The following LINGO2 variants were observed in gnomAD, a reference collection of about 807,000 sequenced individuals.
The protein encoded by LINGO2 is leucine-rich repeat and immunoglobulin-like domain-containing nogo receptor-interacting protein 2.
In LINGO2, 14 loss-of-function variants were observed where a neutral mutation model predicts 30.6. The observed-to-expected ratio is 0.46, with a 90% CI of 0.30 to 0.72. The LOEUF (loss-of-function observed/expected upper bound fraction) is 0.72. Ranked by LOEUF, LINGO2 falls within the 30% of genes least tolerant of loss-of-function variation. The pLI is 0.07. For synonymous variants in LINGO2, 317 were observed against 288.5 expected (o/e 1.10, Z -1.00); for missense variants, 729 against 751.7 (o/e 0.97, Z 0.35).
chr9:28,653,604 T>C (rs1828205439), intron 1 of LINGO2, among the ~76,000 whole-genome samples: 1 of 152,138 alleles, frequency 6.6e-6, no homozygotes, highest in African/African-American at 2.4e-5. Flanking sequence ...TATGGCTTTA[T>C]TGTTAGAAAG....
At chr9:28,410,917 G>A (rs1822735481) in intron 2 of LINGO2, among the ~76,000 whole-genome samples, 1 of 151,714 alleles carries the variant, frequency 6.6e-6, no homozygotes, top group African/African-American at 2.4e-5. Flanking sequence ...GTTAGTTGAT[G>A]AAAAAAAAGG....
chr9:29,172,595 T>A, the LINGO2 span, among the ~76,000 whole-genome samples: 1 of 151,864 alleles, frequency 6.6e-6, no homozygotes, highest in Non-Finnish European at 1.5e-5. Flanking sequence ...AATTGAACAA[T>A]AATATAACAA....
At chr9:29,029,863 G>GTTT in the LINGO2 span, among the ~76,000 whole-genome samples, 6,559 of 148,536 alleles carry the variant, frequency 0.044, 476 homozygotes, top group African/African-American at 0.15. Flanking sequence ...GAAGCTTTCA[G>GTTT]TTTTTTTTTT....
intron 4 of LINGO2, among the ~76,000 whole-genome samples, chr9:28,233,061 T>TATATATATATAA (rs60875467): frequency 0.027 from 3,247 of 118,652 alleles, 173 homozygotes; most frequent in African/African-American, 0.078. Context: ...TATATATATA[T>TATATATATATAA]TAGATATATA....
At chr9:28,885,138 G>A in the LINGO2 span, among the ~76,000 whole-genome samples, 123,069 of 144,528 alleles carry the variant, frequency 0.85, 52,586 homozygotes, top group Non-Finnish European at 0.89. Flanking sequence ...GAGCACTCCC[G>A]GGCACTCAAA....
intron 4 of LINGO2, among the ~76,000 whole-genome samples, chr9:28,234,711 G>A (rs1358282888): frequency 1.3e-5 from 2 of 152,114 alleles, no homozygotes; most frequent in Non-Finnish European, 2.9e-5. Context: ...GTTTACCAGG[G>A]CCTCTTGTGC....
At chr9:28,724,829 C>T in the LINGO2 span, among the ~76,000 whole-genome samples, 14 of 151,972 alleles carry the variant, frequency 9.2e-5, no homozygotes, top group Non-Finnish European at 1.6e-4. Flanking sequence ...AGAAATATAA[C>T]CTTTGAAGAG....
chr9:29,048,541 G>A, the LINGO2 span, among the ~76,000 whole-genome samples: 1 of 151,976 alleles, frequency 6.6e-6, no homozygotes, highest in Non-Finnish European at 1.5e-5. Context: ...GAACAAAACT[G>A]GAGGAATCAT....
chr9:29,010,647 A>T, the LINGO2 span, among the ~76,000 whole-genome samples: 1 of 152,184 alleles, frequency 6.6e-6, no homozygotes, highest in African/African-American at 2.4e-5. Flanking sequence ...CAATTTGCGT[A>T]CTTATTTTAG....
At chr9:28,725,795 A>C in the LINGO2 span, among the ~76,000 whole-genome samples, 1 of 142,544 alleles carries the variant, frequency 7.0e-6, no homozygotes, top group Non-Finnish European at 1.5e-5. Context: ...GAAACTTAAA[A>C]ATTAACATTG....
chr9:29,136,937 ATATAGT>A, the LINGO2 span, among the ~76,000 whole-genome samples: 293 of 152,290 alleles, frequency 1.9e-3, 1 homozygote, highest in African/African-American at 6.7e-3. Flanking sequence ...TAAATGAATG[ATATAGT>A]TATATACAGA....
chr9:28,621,760 AT>A (rs1040209749), intron 1 of LINGO2, among the ~76,000 whole-genome samples: 1 of 151,988 alleles, frequency 6.6e-6, no homozygotes, highest in African/African-American at 2.4e-5. Context: ...AGTAACAGGA[AT>A]TTTTTTGTTT....
chr9:28,126,807 C>G (rs778183099), intron 4 of LINGO2, among the ~76,000 whole-genome samples: 2 of 152,308 alleles, frequency 1.3e-5, no homozygotes, highest in Middle Eastern at 3.4e-3. Context: ...TGGTTAATAG[C>G]TCTTCAACTG....
chr9:28,470,631 G>A (rs1825481768), intron 2 of LINGO2, among the ~76,000 whole-genome samples: 1 of 152,026 alleles, frequency 6.6e-6, no homozygotes, highest in Non-Finnish European at 1.5e-5. Context: ...CACACGAATG[G>A]GGTATGCAAT....
the LINGO2 span, among the ~76,000 whole-genome samples, chr9:28,992,812 C>A: frequency 4.6e-5 from 7 of 152,032 alleles, no homozygotes; most frequent in African/African-American, 1.7e-4. Context: ...TTCTTTGAAA[C>A]CAACGAGAAC....
intron 4 of LINGO2, among the ~76,000 whole-genome samples, chr9:28,042,917 T>TA (rs1363321499): frequency 1.3e-5 from 2 of 152,222 alleles, no homozygotes; most frequent in African/African-American, 4.8e-5. Flanking sequence ...ATTTGCCAGA[T>TA]ACCTAGTTCA....
In LINGO2 at chr9:28,401,708, C is replaced by T. The variant is rs575495540; in HGVS notation, c.-278-28840G>A. Among the ~76,000 whole-genome samples, 12 of 152,240 alleles carry T rather than the reference C, an allele frequency of 7.9e-5. No individual in the cohort carries two copies. The East Asian group carries it at 2.3e-3, about 29-fold the overall frequency. On this transcript the variant is annotated intron_variant, in intron 2 of 5. Transcript: ENST00000379992. ...TGGTTCTAGGTCCTTGAGGAATTGCCATACTGTCTTCCACAATGGTTGAAC... is the reference window on the plus strand; with the variant it reads ...TGGTTCTAGGTCCTTGAGGAATTGCTATACTGTCTTCCACAATGGTTGAAC...
Position 28,036,247 on chromosome 9 carries a change from T to G in LINGO2, c.-86-23842A>C, listed in dbSNP as rs147010324. ...CAAACAGCCCATCATCATGTAGAAA[T>G]GTAGAAACATTGTGCTGTTCACAAT... On this transcript the variant is annotated intron_variant, in intron 4 of 5. Coordinates refer to ENST00000379992, the Ensembl canonical transcript of LINGO2. Among the ~76,000 whole-genome samples the G allele has an allele frequency of 5.3e-4, 80 of 152,320 alleles. 1 individual carries two copies. The Middle Eastern group carries it at 0.01, about 19-fold the overall frequency.
the LINGO2 span, among the ~76,000 whole-genome samples, chr9:28,811,584 T>G: frequency 4.6e-5 from 7 of 152,186 alleles, no homozygotes; most frequent in Non-Finnish European, 1.0e-4. Context: ...CACTTCCTTT[T>G]AGCAATACTA....
Sources: gnomAD v4.1 joint callset for allele counts (sites outside exome capture counted in the v4.1 genomes callset) on GRCh38, gnomAD v4.1.1 for gene constraint, MANE v1.5 for transcripts, NCBI Gene and HGNC (gene_info 2026-07-23, HGNC 2026-07-21) for gene names.